Variants in MEF2D observed in about 807,000 individuals in gnomAD.
MEF2D encodes the protein myocyte enhancer factor 2D.
In MEF2D, 10 loss-of-function variants were observed where a neutral mutation model predicts 59.3. The ratio of observed to expected loss-of-function variants is 0.17; its 90% CI spans 0.10 to 0.29. The LOEUF is 0.29. Ranked by LOEUF, MEF2D falls within the 10% of genes least tolerant of loss-of-function variation. MEF2D has a pLI of 1.00. For synonymous variants in MEF2D, 305 were observed against 295.0 expected (o/e 1.03, Z -0.35); for missense variants, 508 against 699.4 (o/e 0.73, Z 3.09).
chr1:156,471,323 G>A (rs1671223939), intron 9 of MEF2D, among the ~76,000 whole-genome samples: 1 of 152,204 alleles, frequency 6.6e-6, no homozygotes, highest in Non-Finnish European at 1.5e-5. Flanking sequence ...TAGAGACGGG[G>A]TTTTACCACG....
intron 8 of MEF2D, among the ~76,000 whole-genome samples, chr1:156,476,069 A>C (rs1671553923): frequency 6.6e-6 from 1 of 152,146 alleles, no homozygotes; most frequent in Non-Finnish European, 1.5e-5. Flanking sequence ...CCTCCTAAGA[A>C]GGATCCTGTC....
At chr1:156,476,470 C>G in intron 8 of MEF2D, 24 bp downstream of exon 8, 1 of 1,610,502 alleles carries the variant, frequency 6.2e-7, no homozygotes, top group Non-Finnish European at 8.5e-7. Context: ...AAAGCCACAG[C>G]AAAGAGCTCA....
At chr1:156,493,141 G>T (rs567199809) in intron 1 of MEF2D, among the ~76,000 whole-genome samples, 1 of 152,330 alleles carries the variant, frequency 6.6e-6, no homozygotes, top group East Asian at 1.9e-4. Flanking sequence ...GATGAAGGGG[G>T]TCTGAGCCCT....
intron 1 of MEF2D, among the ~76,000 whole-genome samples, chr1:156,485,229 C>T (rs1470451212): frequency 6.6e-6 from 1 of 152,186 alleles, no homozygotes; most frequent in Admixed American, 6.5e-5. Flanking sequence ...CCCCAGCTCC[C>T]ACTGCCAATG....
intron 1 of MEF2D, among the ~76,000 whole-genome samples, chr1:156,487,966 G>C (rs1672478169): frequency 6.6e-6 from 1 of 152,260 alleles, no homozygotes; most frequent in South Asian, 2.1e-4. Flanking sequence ...AAAGAGACAG[G>C]GGGTTGGCCA....
At chr1:156,497,263 T>G (rs1050038436) in intron 1 of MEF2D, among the ~76,000 whole-genome samples, 3 of 152,240 alleles carry the variant, frequency 2.0e-5, no homozygotes, top group African/African-American at 7.2e-5. Context: ...TTGGCCGGAC[T>G]CCGGCCCCAT....
chr1:156,491,486 G>A (rs1672787495), intron 1 of MEF2D, among the ~76,000 whole-genome samples: 3 of 152,220 alleles, frequency 2.0e-5, no homozygotes, highest in Non-Finnish European at 4.4e-5. Flanking sequence ...GGCTGGTGAA[G>A]GGGCAGGTGC....
intron 8 of MEF2D, among the ~76,000 whole-genome samples, chr1:156,475,486 G>T (rs1330038437): frequency 6.6e-6 from 1 of 152,208 alleles, no homozygotes; most frequent in African/African-American, 2.4e-5. Context: ...CACGTGTACT[G>T]GCCCTGTGGC....
intron 9 of MEF2D, among the ~76,000 whole-genome samples, chr1:156,469,250 T>C (rs1671071778): frequency 6.6e-6 from 1 of 152,112 alleles, no homozygotes; most frequent in Non-Finnish European, 1.5e-5. Context: ...TGAAAAGATG[T>C]GGTTTTTGTT....
chr1:156,483,318 G>C lies in MEF2D; in HGVS notation c.-26C>G. ...CTTCTCCGGGGGTCCTCAGTGCTAC[G>C]GAGGGGAGGGGCTCGCTGGGTGGTG... On this transcript the variant is annotated 5_prime_UTR_variant, in exon 2 of 12. Coordinates refer to ENST00000348159, the MANE Select transcript of MEF2D (RefSeq NM_005920.4). The C allele has an allele frequency of 1.2e-6, 2 of 1,611,814 alleles. No individual in the cohort carries two copies. The highest frequency in any genetic ancestry group is 8.5e-7 in the Non-Finnish European group (1 of 1,177,906).
At chr1:156,471,117 G>A (rs1433362537) in intron 9 of MEF2D, among the ~76,000 whole-genome samples, 1 of 152,056 alleles carries the variant, frequency 6.6e-6, no homozygotes, top group Non-Finnish European at 1.5e-5. Context: ...GTGCAGTGGT[G>A]CGATCTCCAC....
chr1:156,469,637 C>G (rs575662576), intron 9 of MEF2D, among the ~76,000 whole-genome samples: 90 of 149,716 alleles, frequency 6.0e-4, no homozygotes, highest in African/African-American at 2.1e-3. Context: ...GTCTATAATC[C>G]CAGCACTTTG....
intron 1 of MEF2D, among the ~76,000 whole-genome samples, chr1:156,495,632 C>T (rs1315060924): frequency 1.3e-5 from 2 of 151,650 alleles, no homozygotes; most frequent in African/African-American, 2.4e-5. Context: ...CCACTGCACT[C>T]GAGCCTGGAC....
chr1:156,494,806 A>G (rs1477250062), intron 1 of MEF2D, among the ~76,000 whole-genome samples: 1 of 152,216 alleles, frequency 6.6e-6, no homozygotes, highest in Non-Finnish European at 1.5e-5. Context: ...GGTCACCAGA[A>G]ATAAGGGGCA....
intron 4 of MEF2D, among the ~76,000 whole-genome samples, chr1:156,480,349 A>C (rs1486690059): frequency 3.3e-5 from 5 of 152,112 alleles, no homozygotes; most frequent in African/African-American, 9.6e-5. Context: ...CTCTCCCCCC[A>C]AAAAAACATC....
intron 1 of MEF2D, among the ~76,000 whole-genome samples, chr1:156,495,212 T>G (rs765496699): frequency 6.6e-6 from 1 of 152,118 alleles, no homozygotes; most frequent in Non-Finnish European, 1.5e-5. Flanking sequence ...TCTCTTCCCT[T>G]CAATTTCTCC....
rs1282769771 is a variant in MEF2D at position 156,482,660 on chromosome 1, G to A, written c.55-20C>T. The A allele has an allele frequency of 6.2e-6, 10 of 1,613,586 alleles. No homozygotes were observed. Among genetic ancestry groups the A allele is most frequent in the South Asian group, 1.1e-5 (1 of 91,072 alleles). The stretch of plus-strand genomic sequence containing the variant: ...AGTCACCTGCAGAGAAGGATGGGTG[G>A]GCGGCCAGATCTGGCTCAGTTAAGG... On this transcript the variant is annotated intron_variant, in intron 2 of 11. Transcript: ENST00000348159.
In MEF2D at chr1:156,468,639, T is replaced by C. The variant is rs1413361307; in HGVS notation, c.1247+141A>G. On this transcript the variant is annotated intron_variant, in intron 10 of 11. Coordinates refer to ENST00000348159, the MANE Select transcript of MEF2D (RefSeq NM_005920.4). The surrounding 1 kb of genome is among the most constrained non-coding windows in gnomAD (Gnocchi z 4.3). The stretch of plus-strand genomic sequence containing the variant: ...ACAAGAGAGCCCAGGGGTGCCACTG[T>C]TGCCTAACAGACTGTGCAGTGCACA... 1 of 1,399,372 alleles carries C rather than the reference T, an allele frequency of 7.1e-7. No individual in the cohort carries two copies. The allele number at this position is 1,399,372 out of a possible 1,614,324, so 86.7% of individuals were successfully genotyped here. A position where few individuals can be genotyped will look rare whatever the true frequency, so the allele number is the denominator to read the frequency against.
intron 1 of MEF2D, among the ~76,000 whole-genome samples, chr1:156,499,881 G>A (rs544996573): frequency 1.3e-5 from 2 of 151,942 alleles, no homozygotes; most frequent in East Asian, 3.9e-4. Context: ...CGGCAAACAC[G>A]GGCCCCGGAG....
Sources: allele counts gnomAD v4.1 joint callset (sites outside exome capture counted in the v4.1 genomes callset), GRCh38; gene constraint gnomAD v4.1.1; non-coding constraint Gnocchi (gnomAD v3.1); transcripts MANE v1.5; gene names NCBI Gene and HGNC (gene_info 2026-07-23, HGNC 2026-07-21).